Variants in SH3RF1 observed in about 807,000 individuals in gnomAD.
SH3RF1 encodes SH3 domain containing ring finger 1.
In SH3RF1, 32 loss-of-function variants were observed where a neutral mutation model predicts 74.0. The ratio of observed to expected loss-of-function variants is 0.43; its 90% CI spans 0.33 to 0.58. SH3RF1 has a LOEUF of 0.58. Among genes scored for constraint, SH3RF1 ranks in the 20% least tolerant of loss-of-function variants. The probability of loss-of-function intolerance (pLI) is 0.05; values close to 1 mark genes in which losing one functional copy is unlikely to be tolerated. For missense variants in SH3RF1, 954 were observed against 1,130.9 expected (o/e 0.84, Z 2.24); for synonymous variants, 396 against 439.6 (o/e 0.90, Z 1.24).
chr4:169,171,955 A>G (rs1734335948), intron 2 of SH3RF1, among the ~76,000 whole-genome samples: 1 of 152,226 alleles, frequency 6.6e-6, no homozygotes, highest in Non-Finnish European at 1.5e-5. Context: ...ATATAATCAT[A>G]ATACTGCAAA....
chr4:169,164,343 C>T (rs143638103), intron 2 of SH3RF1, among the ~76,000 whole-genome samples: 33 of 152,274 alleles, frequency 2.2e-4, no homozygotes, highest in Non-Finnish European at 5.9e-5. Flanking sequence ...AAAAAGAACA[C>T]ATCTAAAGGA....
At chr4:169,181,792 C>T (rs992829379) in intron 2 of SH3RF1, among the ~76,000 whole-genome samples, 1 of 152,128 alleles carries the variant, frequency 6.6e-6, no homozygotes, top group African/African-American at 2.4e-5. Flanking sequence ...GATTATGATG[C>T]CAGAGAAGAG....
At chr4:169,217,394 A>T (rs1483824638) in intron 2 of SH3RF1, 1 of 152,206 alleles carries the variant, frequency 6.6e-6, no homozygotes, top group Non-Finnish European at 1.5e-5. Flanking sequence ...AACTGGTCCA[A>T]CAAAGCTGTC....
intron 2 of SH3RF1, among the ~76,000 whole-genome samples, chr4:169,165,658 G>A (rs1734229338): frequency 6.6e-6 from 1 of 151,968 alleles, no homozygotes. Flanking sequence ...GTCAGGTAAG[G>A]CCTCAGTGAA....
chr4:169,195,612 T>A (rs887803353), intron 2 of SH3RF1, among the ~76,000 whole-genome samples: 1 of 152,136 alleles, frequency 6.6e-6, no homozygotes, highest in African/African-American at 2.4e-5. Context: ...CTTTCTTCTA[T>A]ATTTTCCAGT....
chr4:169,137,466 A>G (rs561354653), intron 4 of SH3RF1, among the ~76,000 whole-genome samples: 22 of 152,326 alleles, frequency 1.4e-4, no homozygotes, highest in African/African-American at 4.3e-4. Flanking sequence ...TAAGCTGCAT[A>G]TAACTTTCCC....
intron 2 of SH3RF1, among the ~76,000 whole-genome samples, chr4:169,157,902 G>C (rs1050943964): frequency 3.5e-5 from 5 of 142,626 alleles, no homozygotes; most frequent in Admixed American, 3.5e-4. Flanking sequence ...CACTATGTCT[G>C]GCTCATTTTT....
In SH3RF1 at chr4:169,107,201, T is replaced by C. The variant is rs1418019921; in HGVS notation, c.2144A>G (p.Glu715Gly). ...ATKPDKDSKKEKKGLLKLLSG... is the reference protein window; with the variant it reads ...ATKPDKDSKKGKKGLLKLLSG... ...AAGCAACTTCAACAAACCCTTTTTT[T>C]CTTTCTGGAAAAAAAAAATAATGAG... The change falls in exon 11 of 12, where the codon GAA becomes GGA. Residue 715 changes from glutamate (E) to glycine (G), a missense_variant. By Grantham distance (98) the Glu-to-Gly change is moderately conservative (BLOSUM62 -2). This residue lies in a region of SH3RF1 where 854 missense variants were observed against 962.5 expected (regional missense o/e 0.89). Coordinates refer to ENST00000284637, the MANE Select transcript of SH3RF1 (RefSeq NM_020870.4). 5 of 1,534,732 alleles carry C rather than the reference T, an allele frequency of 3.3e-6. No individual in the cohort carries two copies. Among genetic ancestry groups the C allele is most frequent in the South Asian group, 2.5e-5 (2 of 80,216 alleles).
At chr4:169,139,562 T>C (rs79172631) in intron 4 of SH3RF1, among the ~76,000 whole-genome samples, 208 of 152,328 alleles carry the variant, frequency 1.4e-3, no homozygotes, top group African/African-American at 3.8e-3. Context: ...TTCCTTCCAA[T>C]AGACAGTGGC....
chr4:169,231,027 G>C (rs1730729976), intron 2 of SH3RF1, among the ~76,000 whole-genome samples: 1 of 152,184 alleles, frequency 6.6e-6, no homozygotes, highest in Non-Finnish European at 1.5e-5. Context: ...AAGGCCACCG[G>C]TGCTAGGGCA....
intron 2 of SH3RF1, among the ~76,000 whole-genome samples, chr4:169,196,686 T>C (rs1254069454): frequency 6.6e-6 from 1 of 152,158 alleles, no homozygotes; most frequent in African/African-American, 2.4e-5. Flanking sequence ...CTCCAATGCC[T>C]CCAAGCAGAC....
intron 4 of SH3RF1, among the ~76,000 whole-genome samples, chr4:169,136,851 C>A (rs1733711582): frequency 6.6e-6 from 1 of 152,182 alleles, no homozygotes; most frequent in African/African-American, 2.4e-5. Flanking sequence ...CATTGCAAGA[C>A]TGAAAGAGTA....
At chr4:169,193,592 C>T (rs1051830364) in intron 2 of SH3RF1, among the ~76,000 whole-genome samples, 12 of 152,092 alleles carry the variant, frequency 7.9e-5, no homozygotes, top group African/African-American at 2.9e-4. Context: ...ACATTTACCC[C>T]GTTACTAAGG....
Position 169,249,305 on chromosome 4 carries a change from T to C in SH3RF1, c.393+19515A>G, listed in dbSNP as rs140399489. 5.4e-3 allele frequency among the ~76,000 whole-genome samples: 826 copies of C among 152,252 alleles called. 16 individuals carry two copies. The highest frequency in any genetic ancestry group is 2.5e-3 in the South Asian group (12 of 4,826). The stretch of plus-strand genomic sequence containing the variant: ...CATGTGAATGTGATAAAGCCCCTTA[T>C]AAAAGAGGCTTCACCCACCATTAGG... On this transcript the variant is annotated intron_variant, in intron 2 of 11. Coordinates refer to ENST00000284637, the MANE Select transcript of SH3RF1 (RefSeq NM_020870.4).
chr4:169,116,734 C>T (rs1435365677), intron 9 of SH3RF1, 104 bp from the exon 10 acceptor site: 1 of 1,404,368 alleles, frequency 7.1e-7, no homozygotes, highest in Non-Finnish European at 9.4e-7. Context: ...TGAAAGGCTG[C>T]TATTGTATTT....
chr4:169,255,340 G>A (rs1731168910), intron 2 of SH3RF1, among the ~76,000 whole-genome samples: 1 of 152,108 alleles, frequency 6.6e-6, no homozygotes, highest in Admixed American at 6.5e-5. Flanking sequence ...TTTGCAAAAT[G>A]CATCAGTAAA....
intron 2 of SH3RF1, among the ~76,000 whole-genome samples, chr4:169,254,544 A>C (rs1166013712): frequency 6.6e-6 from 1 of 152,242 alleles, no homozygotes; most frequent in Non-Finnish European, 1.5e-5. Context: ...AAGATTACAG[A>C]AACAAGTTTA....
chr4:169,218,356 T>C (rs973815599), intron 2 of SH3RF1, among the ~76,000 whole-genome samples: 1 of 141,520 alleles, frequency 7.1e-6, no homozygotes, highest in East Asian at 2.0e-4. Context: ...TATAAATATA[T>C]ATTATATAAT....
intron 2 of SH3RF1, among the ~76,000 whole-genome samples, chr4:169,181,257 C>CTTTTTT (rs397878328): frequency 8.7e-5 from 9 of 103,390 alleles, no homozygotes; most frequent in Non-Finnish European, 9.2e-5. Flanking sequence ...TTGGGAAAGC[C>CTTTTTT]TTTTTTTTTT....
Sources: allele counts gnomAD v4.1 joint callset (sites outside exome capture counted in the v4.1 genomes callset), GRCh38; gene constraint gnomAD v4.1.1; regional missense constraint gnomAD v4.1.1; transcripts MANE v1.5; gene names NCBI Gene and HGNC (gene_info 2026-07-23, HGNC 2026-07-21).